MEGF10: variants seen among roughly 807,000 people sequenced by gnomAD.
MEGF10 encodes multiple epidermal growth factor-like domains protein 10.
In MEGF10, 86 loss-of-function variants were observed where a neutral mutation model predicts 147.5. The ratio of observed to expected loss-of-function variants is 0.58; its 90% CI spans 0.49 to 0.70. The LOEUF is 0.70. Among genes scored for constraint, MEGF10 ranks in the 30% least tolerant of loss-of-function variants. The probability of loss-of-function intolerance (pLI) is 0.00; values close to 1 mark genes in which losing one functional copy is unlikely to be tolerated. For missense variants in MEGF10, 1,329 were observed against 1,487.3 expected (o/e 0.89, Z 1.75); for synonymous variants, 478 against 525.5 (o/e 0.91, Z 1.24).
chr5:127,385,317 G>A (rs1157325210), intron 5 of MEGF10, among the ~76,000 whole-genome samples: 1 of 144,094 alleles, frequency 6.9e-6, no homozygotes, highest in Admixed American at 6.9e-5. Flanking sequence ...TTTTTTTTTT[G>A]AAACAGAGTC....
At chr5:127,328,767 C>T (rs1700811745) in intron 1 of MEGF10, among the ~76,000 whole-genome samples, 1 of 151,546 alleles carries the variant, frequency 6.6e-6, no homozygotes, top group African/African-American at 2.4e-5. Flanking sequence ...TACTGCTTAC[C>T]AGCCTTCATG....
At chr5:127,310,038 CTTT>C (rs1561562300) in intron 1 of MEGF10, among the ~76,000 whole-genome samples, 909 of 44,352 alleles carry the variant, frequency 0.02, 185 homozygotes, top group African/African-American at 0.058. Flanking sequence ...TTCTTTCCTT[CTTT>C]CTTTATTTCT....
upstream of MEGF10, among the ~76,000 whole-genome samples, chr5:127,288,981 A>G (rs1157357728): frequency 6.6e-6 from 1 of 152,248 alleles, no homozygotes; most frequent in East Asian, 1.9e-4. Flanking sequence ...ACAAAGGAAT[A>G]TGTAAGTGAT....
intron 5 of MEGF10, among the ~76,000 whole-genome samples, chr5:127,380,067 G>GTTTTTTTTTTT (rs5871252): frequency 2.7e-5 from 4 of 147,496 alleles, no homozygotes; most frequent in Non-Finnish European, 3.0e-5. Flanking sequence ...TTGTTAACTT[G>GTTTTTTTTTTT]TTTTTTTTTT....
At chr5:127,353,554 A>C (rs1187197805) in intron 4 of MEGF10, among the ~76,000 whole-genome samples, 1 of 152,212 alleles carries the variant, frequency 6.6e-6, no homozygotes, top group Non-Finnish European at 1.5e-5. Flanking sequence ...ATGGCAGAGA[A>C]AGCGAATCAT....
the MEGF10 span, among the ~76,000 whole-genome samples, chr5:127,258,303 GA>G: frequency 6.6e-6 from 1 of 152,126 alleles, no homozygotes; most frequent in South Asian, 2.1e-4. Flanking sequence ...TACAAATGAG[GA>G]TGAAGAAAAT....
rs189599502 is a variant in MEGF10 at position 127,403,121 on chromosome 5, C to T, written c.917+439C>T. On this transcript the variant is annotated intron_variant, in intron 8 of 24. Coordinates refer to ENST00000503335, the MANE Select transcript of MEGF10 (RefSeq NM_001256545.2). ...TATTGATCATTATATTGTGTGGTGG[C>T]GATAGAGTCAGATCTGCTGGAACTT... is the stretch of plus-strand genomic sequence containing the variant. 3.2e-3 allele frequency among the ~76,000 whole-genome samples: 493 copies of T among 152,126 alleles called. 1 individual carries two copies. Among genetic ancestry groups the T allele is most frequent in the Admixed American group, 7.3e-3 (111 of 15,282 alleles).
intron 18 of MEGF10, among the ~76,000 whole-genome samples, chr5:127,442,401 A>G (rs1258669392): frequency 1.3e-5 from 2 of 152,222 alleles, no homozygotes; most frequent in Non-Finnish European, 2.9e-5. Context: ...TTAAGACCGC[A>G]TAGTAAGAAT....
intron 16 of MEGF10, among the ~76,000 whole-genome samples, chr5:127,438,055 AC>A (rs1361745320): frequency 1.3e-5 from 2 of 152,138 alleles, no homozygotes; most frequent in Admixed American, 1.3e-4. Flanking sequence ...TGCCTCCCCT[AC>A]CAAAATAGAA....
intron 1 of MEGF10, among the ~76,000 whole-genome samples, chr5:127,315,655 T>C (rs1247370639): frequency 6.6e-6 from 1 of 152,044 alleles, no homozygotes; most frequent in African/African-American, 2.4e-5. Context: ...GCATGTGTAG[T>C]CCCAGCTACT....
At chr5:127,421,937 C>A (rs770867202) in intron 12 of MEGF10, among the ~76,000 whole-genome samples, 1 of 131,568 alleles carries the variant, frequency 7.6e-6, no homozygotes. Flanking sequence ...TGCAGTGAGC[C>A]GAGATAGCGC....
chr5:127,356,169 C>T (rs1762275215), intron 4 of MEGF10, among the ~76,000 whole-genome samples: 1 of 152,176 alleles, frequency 6.6e-6, no homozygotes, highest in Admixed American at 6.5e-5. Flanking sequence ...TTGACATGAC[C>T]AGGTGGTGAC....
At chr5:127,382,789 G>C (rs1165715726) in intron 5 of MEGF10, among the ~76,000 whole-genome samples, 1 of 152,208 alleles carries the variant, frequency 6.6e-6, no homozygotes, top group African/African-American at 2.4e-5. Flanking sequence ...TAGGCAAAGG[G>C]TAGGATAAGG....
intron 4 of MEGF10, among the ~76,000 whole-genome samples, chr5:127,360,502 A>C (rs1762430493): frequency 2.0e-5 from 3 of 151,640 alleles, no homozygotes; most frequent in Admixed American, 2.0e-4. Flanking sequence ...ACTTGCTAGA[A>C]CCCCCAGTAT....
the MEGF10 span, among the ~76,000 whole-genome samples, chr5:127,248,358 G>C: frequency 2.5e-3 from 379 of 152,060 alleles, 3 homozygotes; most frequent in Middle Eastern, 0.02. Flanking sequence ...AAAGAACCAG[G>C]AAAATATGAC....
chr5:127,305,649 G>T (rs1424613076), intron 1 of MEGF10, among the ~76,000 whole-genome samples: 3 of 152,128 alleles, frequency 2.0e-5, no homozygotes, highest in Non-Finnish European at 2.9e-5. Flanking sequence ...AAAAAAGCTT[G>T]TGATGTGGAG....
At chr5:127,447,470 C>A (rs545720543) in intron 20 of MEGF10, 87 bp from the exon 21 acceptor site, 4 of 1,576,156 alleles carry the variant, frequency 2.5e-6, no homozygotes, top group Admixed American at 3.4e-5. Flanking sequence ...AGCCACCTCG[C>A]TGGGCCTGTT....
chr5:127,271,203 T>C, the MEGF10 span, among the ~76,000 whole-genome samples: 1 of 152,322 alleles, frequency 6.6e-6, no homozygotes, highest in East Asian at 1.9e-4. Context: ...TTCCTTTCTC[T>C]CCATAACCTC....
chr5:127,330,798 G>A (rs1761224362), intron 1 of MEGF10, among the ~76,000 whole-genome samples: 1 of 152,112 alleles, frequency 6.6e-6, no homozygotes, highest in Admixed American at 6.5e-5. Flanking sequence ...GATGGAGCAG[G>A]CATTCAGTGC....
Sources: allele counts gnomAD v4.1 joint callset (sites outside exome capture counted in the v4.1 genomes callset), GRCh38; gene constraint gnomAD v4.1.1; transcripts MANE v1.5; gene names NCBI Gene and HGNC (gene_info 2026-07-23, HGNC 2026-07-21).